NTSR1: variants seen among roughly 807,000 people sequenced by gnomAD.
NTSR1 encodes neurotensin receptor 1.
A neutral mutation model predicts 31.2 loss-of-function variants in NTSR1; 29 were observed. That is an observed-to-expected ratio of 0.93 (90% confidence interval 0.69 to 1.27). The LOEUF (loss-of-function observed/expected upper bound fraction) is 1.27. Ranked by LOEUF, NTSR1 falls within the 50% of genes most tolerant of loss-of-function variation. The pLI, the probability that NTSR1 is intolerant of heterozygous loss-of-function variation, is 0.00. For missense variants in NTSR1, 697 were observed against 595.4 expected (o/e 1.17, Z -1.78); for synonymous variants, 282 against 269.9 (o/e 1.04, Z -0.44).
intron 1 of NTSR1, among the ~76,000 whole-genome samples, chr20:62,718,126 G>A (rs150211409): frequency 1.3e-4 from 20 of 152,206 alleles, no homozygotes; most frequent in East Asian, 3.8e-4. Flanking sequence ...GCAGAGGGCC[G>A]TGTGAGAAGC....
intron 1 of NTSR1, among the ~76,000 whole-genome samples, chr20:62,730,743 A>G (rs1230981549): frequency 6.6e-6 from 1 of 152,248 alleles, no homozygotes; most frequent in Admixed American, 6.5e-5. Flanking sequence ...CAGCCTTGCC[A>G]GCGTTTGGTG....
intron 1 of NTSR1, among the ~76,000 whole-genome samples, chr20:62,717,029 C>T (rs1443219563): frequency 6.6e-6 from 1 of 152,152 alleles, no homozygotes; most frequent in Non-Finnish European, 1.5e-5. Context: ...ATGCACAGCT[C>T]CGGAGGGGGA....
At chr20:62,754,033 A>T (rs1989436730) in intron 1 of NTSR1, among the ~76,000 whole-genome samples, 1 of 152,222 alleles carries the variant, frequency 6.6e-6, no homozygotes. Context: ...TACCCTGTCC[A>T]GGACTCGGAT....
chr20:62,709,851 ACGGCCAGCACGC>A lies in NTSR1; in HGVS notation c.649_660del (p.Gln217_Gly220del). ...ATGGGCGAGCAGAACCGCAGCGCCG[ACGGCCAGCACGC>A]CGGCGGCCTGGTGTGCACCCCCACC... is the stretch of plus-strand genomic sequence containing the variant. On this transcript the variant is annotated inframe_deletion, in exon 1 of 4. Transcript: ENST00000370501. The A allele has an allele frequency of 1.1e-5, 17 of 1,608,594 alleles. No individual in the cohort carries two copies. The highest frequency in any genetic ancestry group is 1.4e-5 in the Non-Finnish European group (17 of 1,176,762).
rs2147138982 is a variant in NTSR1 at position 62,732,687 on chromosome 20, C to T, written c.715-21998C>T. 6.6e-6 allele frequency: 1 copy of T among 152,286 alleles called. No individual in the cohort carries two copies. Among genetic ancestry groups the T allele is most frequent in the South Asian group, 2.1e-4 (1 of 4,826 alleles). The allele number at this position is 152,286 out of a possible 1,614,324, so 9.4% of individuals were successfully genotyped here. A position where few individuals can be genotyped will look rare whatever the true frequency, so the allele number is the denominator to read the frequency against. The stretch of plus-strand genomic sequence containing the variant: ...CTGCGTTTTCCTTTCTTGTAACATC[C>T]TCGGTTTTGTTATTGGGGTAATGCC... On this transcript the variant is annotated intron_variant, in intron 1 of 3. Transcript: ENST00000370501. This position sits in a 1 kb window ranked among gnomAD's most constrained non-coding sequence, Gnocchi z 4.0.
At chr20:62,710,564 G>A (rs1246486766) in intron 1 of NTSR1, among the ~76,000 whole-genome samples, 1 of 152,196 alleles carries the variant, frequency 6.6e-6, no homozygotes, top group Non-Finnish European at 1.5e-5. Flanking sequence ...CGATGTTTCT[G>A]CGGGGAAGGT....
At chr20:62,759,874 TG>T in intron 3 of NTSR1, 143 bp from the exon 4 acceptor site, 1 of 769,012 alleles carries the variant, frequency 1.3e-6, no homozygotes, top group South Asian at 1.7e-5. Context: ...TGTTATGAAA[TG>T]TCCCCAAACA....
At position 62,741,592 on chromosome 20, in the gene NTSR1, A is replaced by T. The variant is rs1279485746; in HGVS notation, c.715-13093A>T. On this transcript the variant is annotated intron_variant, in intron 1 of 3. Transcript: ENST00000370501. This position sits in a 1 kb window ranked among gnomAD's most constrained non-coding sequence, Gnocchi z 4.3. ...TGCCTGGGCATTGTCCATGGTACTGAACCCCTGAGGCTCCCTGGGGCTCTG... is the reference window on the plus strand; with the variant it reads ...TGCCTGGGCATTGTCCATGGTACTGTACCCCTGAGGCTCCCTGGGGCTCTG... Among the ~76,000 whole-genome samples the T allele has an allele frequency of 6.7e-6, 1 of 149,460 alleles. No individual in the cohort carries two copies. Among genetic ancestry groups the T allele is most frequent in the Non-Finnish European group, 1.5e-5 (1 of 68,000 alleles).
chr20:62,751,932 G>A (rs1028808274), intron 1 of NTSR1, among the ~76,000 whole-genome samples: 9 of 152,092 alleles, frequency 5.9e-5, no homozygotes, highest in African/African-American at 1.9e-4. Flanking sequence ...CACTGTCGAT[G>A]CCAAATTCTC....
In NTSR1 at chr20:62,758,536, G is replaced by A. The variant is rs994414164; in HGVS notation, c.1007+180G>A. On this transcript the variant is annotated intron_variant, in intron 3 of 3. Coordinates refer to ENST00000370501, the MANE Select transcript of NTSR1 (RefSeq NM_002531.3). This position sits in a 1 kb window ranked among gnomAD's most constrained non-coding sequence, Gnocchi z 4.5. Reference sequence around the variant, plus strand: ...GCCGGGAGAAGGCCATGGAGGGACAGGTTCAAGGCAGGGGCTATTCAGGCC... The same window carrying A: ...GCCGGGAGAAGGCCATGGAGGGACAAGTTCAAGGCAGGGGCTATTCAGGCC... Among the ~76,000 whole-genome samples the A allele has an allele frequency of 2.6e-5, 4 of 152,194 alleles. No individual in the cohort carries two copies. The highest frequency in any genetic ancestry group is 4.8e-5 in the African/African-American group (2 of 41,438).
intron 1 of NTSR1, among the ~76,000 whole-genome samples, chr20:62,748,308 T>A (rs1399898508): frequency 6.6e-6 from 1 of 152,068 alleles, no homozygotes; most frequent in African/African-American, 2.4e-5. Context: ...AGATACCTCA[T>A]GTTCATGCAT....
chr20:62,722,647 T>C (rs1355597510), intron 1 of NTSR1, among the ~76,000 whole-genome samples: 1 of 152,194 alleles, frequency 6.6e-6, no homozygotes, highest in Non-Finnish European at 1.5e-5. Context: ...GGACCTCAGC[T>C]CTTACGTCTC....
At position 62,762,188 on chromosome 20, in the gene NTSR1, CCA is replaced by C. The variant is rs1356927169; in HGVS notation, c.*1922_*1923del. 1 of 152,262 alleles carries C rather than the reference CCA, an allele frequency of 6.6e-6. No homozygotes were observed. Among genetic ancestry groups the C allele is most frequent in the Non-Finnish European group, 1.5e-5 (1 of 68,066 alleles). 9.4% of individuals were successfully genotyped at this position (152,262 alleles called of 1,614,324 possible). ...TCTGAACGAGGACCTGGACTCAGAG[CCA>C]GACAGGGCAGCCTCAGACCCTTCTC... On this transcript the variant is annotated 3_prime_UTR_variant, in exon 4 of 4. Transcript: ENST00000370501.
At chr20:62,750,422 G>A (rs1989373051) in intron 1 of NTSR1, among the ~76,000 whole-genome samples, 2 of 152,134 alleles carry the variant, frequency 1.3e-5, no homozygotes, top group African/African-American at 2.4e-5. Flanking sequence ...CGGGCGTGGT[G>A]GCTCACGCCT....
In NTSR1 at chr20:62,709,662, C is replaced by A; in HGVS notation, c.455C>A (p.Thr152Asn). 6.2e-7 allele frequency: 1 copy of A among 1,612,704 alleles called. No individual in the cohort carries two copies. Among genetic ancestry groups the A allele is most frequent in the African/African-American group, 1.3e-5 (1 of 75,062 alleles). ...RGYYFLRDAC[T>N]YATALNVASL... ...TACTACTTCCTGCGCGACGCCTGCA[C>A]CTACGCCACGGCCCTCAACGTGGCC... is the stretch of plus-strand genomic sequence containing the variant. The change falls in exon 1 of 4, where the codon ACC (threonine) becomes AAC (asparagine). Residue 152 changes from threonine to asparagine, a missense_variant. By Grantham distance (65) the Thr-to-Asn change is moderately conservative. Transcript: ENST00000370501.
chr20:62,724,036 G>A (rs1988865674), intron 1 of NTSR1, among the ~76,000 whole-genome samples: 1 of 152,234 alleles, frequency 6.6e-6, no homozygotes, highest in South Asian at 2.1e-4. Flanking sequence ...GCTTGTAGGA[G>A]GCAGTGGGGA....
chr20:62,733,014 G>A lies in NTSR1; in HGVS notation c.715-21671G>A, dbSNP rs1276922965. The A allele has an allele frequency of 1.3e-5, 2 of 148,660 alleles. No individual in the cohort carries two copies. The highest frequency in any genetic ancestry group is 2.1e-4 in the South Asian group (1 of 4,670). The allele number at this position is 148,660 out of a possible 1,614,324, so 9.2% of individuals were successfully genotyped here. On this transcript the variant is annotated intron_variant, in intron 1 of 3. Transcript: ENST00000370501. This position sits in a 1 kb window ranked among gnomAD's most constrained non-coding sequence, Gnocchi z 5.2. ...TCCAGGTGCTGGAATGTTTCTCGGT[G>A]AGAAGCCGCCACGGGAGTCTGTGGA...
chr20:62,735,931 G>A (rs1207042249), intron 1 of NTSR1, among the ~76,000 whole-genome samples: 2 of 152,252 alleles, frequency 1.3e-5, no homozygotes, highest in African/African-American at 4.8e-5. Flanking sequence ...CACTTTCTCT[G>A]AGGGGGTCTG....
intron 1 of NTSR1, among the ~76,000 whole-genome samples, chr20:62,723,774 C>T (rs551328486): frequency 5.3e-5 from 8 of 151,306 alleles, no homozygotes; most frequent in Non-Finnish European, 1.2e-4. Context: ...GTACAGGGAG[C>T]CCCCAAGCAC....
Sources: allele counts gnomAD v4.1 joint callset (sites outside exome capture counted in the v4.1 genomes callset), GRCh38; gene constraint gnomAD v4.1.1; non-coding constraint Gnocchi (gnomAD v3.1); transcripts MANE v1.5; gene names NCBI Gene and HGNC (gene_info 2026-07-23, HGNC 2026-07-21).